The following RAD51B variants were observed in gnomAD, a reference collection of about 807,000 sequenced individuals.
The protein encoded by RAD51B is RAD51 paralog B.
A neutral mutation model predicts 42.2 loss-of-function variants in RAD51B; 38 were observed. The ratio of observed to expected loss-of-function variants is 0.90; its 90% CI spans 0.70 to 1.18. The LOEUF (loss-of-function observed/expected upper bound fraction) is 1.18, where lower values mean the gene tolerates loss of function less well. Among genes scored for constraint, RAD51B ranks in the 50% most tolerant of loss-of-function variants. The pLI, the probability that RAD51B is intolerant of heterozygous loss-of-function variation, is 0.00. For synonymous variants in RAD51B, 154 were observed against 145.2 expected (o/e 1.06, Z -0.43); for missense variants, 373 against 400.7 (o/e 0.93, Z 0.59).
chr14:68,670,565 G>A (rs1023054976), intron 11 of RAD51B, among the ~76,000 whole-genome samples: 2 of 152,162 alleles, frequency 1.3e-5, no homozygotes, highest in African/African-American at 2.4e-5. Context: ...CCCCAGCCAT[G>A]CCCAGCAATG....
At chr14:68,556,440 AAGCCATCAGGTGGAGTTC>A (rs754556890) in intron 10 of RAD51B, among the ~76,000 whole-genome samples, 74 of 152,080 alleles carry the variant, frequency 4.9e-4, no homozygotes, top group Non-Finnish European at 8.5e-4. Flanking sequence ...ATGGCTCCTA[AAGCCATCAGGTGGAGTTC>A]AGCCCAGGCT....
At chr14:68,225,241 T>C (rs1364242769) in intron 7 of RAD51B, among the ~76,000 whole-genome samples, 1 of 152,242 alleles carries the variant, frequency 6.6e-6, no homozygotes, top group East Asian at 1.9e-4. Flanking sequence ...TGGAGGAACA[T>C]TGTTATACCA....
chr14:68,680,337 C>T (rs187550854), intron 11 of RAD51B, among the ~76,000 whole-genome samples: 92 of 152,272 alleles, frequency 6.0e-4, no homozygotes, highest in African/African-American at 1.8e-3. Flanking sequence ...TAGTATACTA[C>T]GCTACAGTCT....
intron 7 of RAD51B, among the ~76,000 whole-genome samples, chr14:68,241,631 G>A (rs982186249): frequency 4.6e-5 from 7 of 152,008 alleles, no homozygotes; most frequent in Non-Finnish European, 1.0e-4. Flanking sequence ...ATTAACATAG[G>A]TTCCATTTAA....
intron 7 of RAD51B, among the ~76,000 whole-genome samples, chr14:68,281,354 T>A (rs142676694): frequency 5.3e-4 from 80 of 152,358 alleles, no homozygotes; most frequent in Middle Eastern, 3.4e-3. Context: ...TTAATATGTG[T>A]TAGGCACTGT....
rs558855400 is a variant in RAD51B, at chr14:68,578,930, C to T, written c.1037-15555C>T. On this transcript the variant is annotated intron_variant, in intron 10 of 10. Coordinates refer to the RAD51B transcript ENST00000487270. The stretch of plus-strand genomic sequence containing the variant: ...TCATAGGCTTGCTTTCCTTCTAGCT[C>T]ACTGTGTGGACCTGGATAAGTTGCT... Among the ~76,000 whole-genome samples, 49 of 152,320 alleles carry T rather than the reference C, an allele frequency of 3.2e-4. No individual in the cohort carries two copies. In the South Asian group the frequency reaches 9.9e-3, roughly 31 times the overall value.
At chr14:67,855,620 T>G (rs756644233) in intron 4 of RAD51B, among the ~76,000 whole-genome samples, 35 of 152,320 alleles carry the variant, frequency 2.3e-4, no homozygotes, top group Middle Eastern at 3.4e-3. Flanking sequence ...GGTTGTAAAC[T>G]CAAATGCCTA....
At chr14:68,170,407 CA>C (rs2078847937) in intron 7 of RAD51B, among the ~76,000 whole-genome samples, 1 of 152,258 alleles carries the variant, frequency 6.6e-6, no homozygotes, top group Non-Finnish European at 1.5e-5. Context: ...AAAGATTGGG[CA>C]GGGGAAGTAC....
intron 7 of RAD51B, among the ~76,000 whole-genome samples, chr14:67,983,682 A>G (rs1351593322): frequency 6.6e-6 from 1 of 152,160 alleles, no homozygotes; most frequent in Non-Finnish European, 1.5e-5. Context: ...AAGAGCTAAT[A>G]GTCTAGTTTT....
intron 7 of RAD51B, among the ~76,000 whole-genome samples, chr14:67,897,271 T>C (rs912441058): frequency 6.6e-6 from 1 of 152,074 alleles, no homozygotes; most frequent in Non-Finnish European, 1.5e-5. Flanking sequence ...TAAAAGCTTC[T>C]GCATAGCAAA....
At chr14:68,622,542 A>G (rs1278335210) in intron 10 of RAD51B, among the ~76,000 whole-genome samples, 1 of 152,094 alleles carries the variant, frequency 6.6e-6, no homozygotes, top group Non-Finnish European at 1.5e-5. Flanking sequence ...TAAAGGCAAG[A>G]GTGCATTTCT....
chr14:68,388,353 C>T (rs918745019), intron 8 of RAD51B, among the ~76,000 whole-genome samples: 12 of 152,082 alleles, frequency 7.9e-5, no homozygotes, highest in African/African-American at 2.9e-4. Flanking sequence ...CCACCTTGGC[C>T]TCCCAAAGTG....
At chr14:68,436,406 C>T (rs896244409) in intron 9 of RAD51B, among the ~76,000 whole-genome samples, 10 of 152,152 alleles carry the variant, frequency 6.6e-5, no homozygotes, top group East Asian at 3.9e-4. Context: ...AGTAGCATGG[C>T]GTTTGGGTTA....
At chr14:68,323,693 G>A (rs2082197163) in intron 8 of RAD51B, among the ~76,000 whole-genome samples, 1 of 152,214 alleles carries the variant, frequency 6.6e-6, no homozygotes, top group Admixed American at 6.5e-5. Context: ...TACTCCGGAA[G>A]CTGAGGCAGG....
At chr14:68,285,943 G>A (rs895798086) in intron 7 of RAD51B, among the ~76,000 whole-genome samples, 5 of 152,216 alleles carry the variant, frequency 3.3e-5, no homozygotes, top group African/African-American at 1.2e-4. Flanking sequence ...AGAAGCGGAA[G>A]CCATTGACCT....
intron 7 of RAD51B, among the ~76,000 whole-genome samples, chr14:68,011,444 C>T (rs895826936): frequency 2.6e-5 from 4 of 151,970 alleles, no homozygotes; most frequent in African/African-American, 9.7e-5. Flanking sequence ...TTAGCTTTTT[C>T]CTAATTTGGA....
intron 7 of RAD51B, among the ~76,000 whole-genome samples, chr14:68,047,723 T>G (rs2076325853): frequency 6.6e-6 from 1 of 152,196 alleles, no homozygotes; most frequent in East Asian, 1.9e-4. Context: ...GTGGGTATAG[T>G]TATACCTTGA....
At chr14:68,268,634 A>G (rs147393249) in intron 7 of RAD51B, among the ~76,000 whole-genome samples, 4 of 152,344 alleles carry the variant, frequency 2.6e-5, no homozygotes, top group African/African-American at 9.6e-5. Flanking sequence ...TTTTAGCTCT[A>G]TCTCTAAATA....
At chr14:68,506,846 A>G (rs1355131323) in intron 10 of RAD51B, among the ~76,000 whole-genome samples, 1 of 152,098 alleles carries the variant, frequency 6.6e-6, no homozygotes, top group Non-Finnish European at 1.5e-5. Context: ...AGGCGCCCAC[A>G]CTCAAGTGTG....
Sources: gnomAD v4.1 joint callset for allele counts (sites outside exome capture counted in the v4.1 genomes callset) on GRCh38, gnomAD v4.1.1 for gene constraint, MANE v1.5 for transcripts, NCBI Gene and HGNC (gene_info 2026-07-23, HGNC 2026-07-21) for gene names.